GRID2: variants seen among roughly 807,000 people sequenced by gnomAD.
GRID2 encodes the protein glutamate ionotropic receptor delta type subunit 2.
Under a neutral mutation model 114.8 loss-of-function variants are expected in GRID2, and 33 were observed. The ratio of observed to expected loss-of-function variants is 0.29; its 90% confidence interval spans 0.22 to 0.38. GRID2 has a LOEUF of 0.38. Ranked by LOEUF, GRID2 falls within the 10% of genes least tolerant of loss-of-function variation. The pLI is 1.00. For missense variants in GRID2, 1,184 were observed against 1,257.7 expected, an observed-to-expected ratio of 0.94 and a Z score of 0.89; for synonymous variants, 505 against 449.9, an observed-to-expected ratio of 1.12 and a Z score of -1.55.
intron 4 of GRID2, among the ~76,000 whole-genome samples, chr4:93,155,157 A>G (rs954475993): frequency 6.6e-6 from 1 of 151,932 alleles, no homozygotes; most frequent in African/African-American, 2.4e-5. Flanking sequence ...GAAATTGTAT[A>G]TTCATGATCT....
chr4:92,739,567 C>T (rs1352323910), intron 2 of GRID2, among the ~76,000 whole-genome samples: 3 of 151,966 alleles, frequency 2.0e-5, no homozygotes, highest in African/African-American at 7.3e-5. Flanking sequence ...ACCAGTCCGT[C>T]CTGTGATTTC....
chr4:93,317,986 A>AATATATATAT (rs58755199), intron 8 of GRID2, among the ~76,000 whole-genome samples: 2,189 of 100,658 alleles, frequency 0.022, 116 homozygotes, highest in Non-Finnish European at 0.029. Context: ...TTAAAAGTGA[A>AATATATATAT]ATATATATAT....
chr4:92,310,969 AG>A (rs1273456718), intron 1 of GRID2, among the ~76,000 whole-genome samples: 3 of 152,132 alleles, frequency 2.0e-5, no homozygotes, highest in African/African-American at 7.2e-5. Context: ...GTTGCAAACA[AG>A]AATTATGTAC....
chr4:93,440,580 G>T (rs1721534160), intron 10 of GRID2, among the ~76,000 whole-genome samples: 1 of 152,050 alleles, frequency 6.6e-6, no homozygotes, highest in South Asian at 2.1e-4. Flanking sequence ...ATGCATATAG[G>T]ATGAAACTAA....
At chr4:93,679,605 G>C (rs938382183) in intron 14 of GRID2, among the ~76,000 whole-genome samples, 5 of 150,978 alleles carry the variant, frequency 3.3e-5, no homozygotes, top group Non-Finnish European at 7.4e-5. Context: ...AATCAAACTA[G>C]AACTCAGGAT....
Position 93,238,432 on chromosome 4 carries a change from T to C in GRID2, c.1187T>C (p.Val396Ala). The change falls in exon 8 of 16, where the codon GTC becomes GCC. Residue 396 changes from valine (V) to alanine (A), a missense_variant. Physicochemically the swap from Val to Ala is moderately conservative, Grantham distance 64 (BLOSUM62 0). Coordinates refer to ENST00000282020, the MANE Select transcript of GRID2 (RefSeq NM_001510.4). ...GGAGAAAATGGAGGCAATCCCAATG[T>C]CCACTTTGAAATCCTTGGAACCAAC... is the stretch of plus-strand genomic sequence containing the variant. ...EFGENGGNPN[V>A]HFEILGTNYG... is the part of the protein sequence containing the mutation. 1 of 1,608,970 alleles carries C rather than the reference T, an allele frequency of 6.2e-7. No individual in the cohort carries two copies.
chr4:93,047,636 A>G (rs1238122604), intron 2 of GRID2, among the ~76,000 whole-genome samples: 3 of 152,220 alleles, frequency 2.0e-5, no homozygotes, highest in African/African-American at 4.8e-5. Flanking sequence ...TGTACTTATC[A>G]TAGAATTGTG....
intron 13 of GRID2, among the ~76,000 whole-genome samples, chr4:93,625,859 G>A (rs922259226): frequency 6.6e-6 from 1 of 152,186 alleles, no homozygotes; most frequent in Non-Finnish European, 1.5e-5. Context: ...AGCTTGCAGT[G>A]AGCGGAGATC....
At chr4:93,000,890 G>A (rs912286982) in intron 2 of GRID2, among the ~76,000 whole-genome samples, 2 of 151,188 alleles carry the variant, frequency 1.3e-5, no homozygotes, top group Admixed American at 6.6e-5. Flanking sequence ...CCAAACCTCA[G>A]TAATACACAA....
chr4:93,360,029 C>T (rs879894508), intron 8 of GRID2, among the ~76,000 whole-genome samples: 7 of 151,364 alleles, frequency 4.6e-5, no homozygotes, highest in African/African-American at 9.7e-5. Flanking sequence ...AGTCTTGACA[C>T]GTAAATCTTC....
intron 1 of GRID2, among the ~76,000 whole-genome samples, chr4:92,425,317 T>G (rs1732104363): frequency 6.6e-6 from 1 of 152,078 alleles, no homozygotes; most frequent in Non-Finnish European, 1.5e-5. Flanking sequence ...CATACTACAT[T>G]AATCAGGGAT....
intron 8 of GRID2, among the ~76,000 whole-genome samples, chr4:93,354,952 T>G (rs1192674812): frequency 6.6e-6 from 1 of 150,804 alleles, no homozygotes; most frequent in East Asian, 1.9e-4. Flanking sequence ...ACTGAGCTTA[T>G]TTTTAAATTT....
At chr4:93,199,695 G>A (rs954037461) in intron 4 of GRID2, among the ~76,000 whole-genome samples, 2 of 152,166 alleles carry the variant, frequency 1.3e-5, no homozygotes, top group African/African-American at 4.8e-5. Context: ...TCCATGCTGA[G>A]CTCAAGGGGA....
At chr4:93,611,940 G>C (rs1479555864) in intron 13 of GRID2, among the ~76,000 whole-genome samples, 1 of 148,368 alleles carries the variant, frequency 6.7e-6, no homozygotes, top group African/African-American at 2.5e-5. Flanking sequence ...TTATTAATGT[G>C]TGGGAGTCTA....
intron 14 of GRID2, among the ~76,000 whole-genome samples, chr4:93,627,178 A>G (rs1286006335): frequency 6.6e-6 from 1 of 152,208 alleles, no homozygotes; most frequent in African/African-American, 2.4e-5. Context: ...TATCTTCCAC[A>G]TAGAAGTATA....
intron 2 of GRID2, among the ~76,000 whole-genome samples, chr4:92,744,639 T>G (rs1737059447): frequency 6.6e-6 from 1 of 152,124 alleles, no homozygotes; most frequent in Admixed American, 6.6e-5. Flanking sequence ...CCCACTGCCC[T>G]AGAAAGTGCC....
At chr4:93,531,018 A>G (rs967341670) in intron 13 of GRID2, among the ~76,000 whole-genome samples, 4 of 152,182 alleles carry the variant, frequency 2.6e-5, no homozygotes, top group African/African-American at 7.2e-5. Context: ...TTTAAATGCT[A>G]TCAGTCTTGT....
intron 1 of GRID2, among the ~76,000 whole-genome samples, chr4:92,481,184 G>A (rs1722570796): frequency 6.6e-6 from 1 of 152,016 alleles, no homozygotes; most frequent in Admixed American, 6.6e-5. Flanking sequence ...TTACTCAAAG[G>A]TCTTGAGAAA....
chr4:93,624,055 A>G (rs767282203), intron 13 of GRID2, among the ~76,000 whole-genome samples: 32 of 152,144 alleles, frequency 2.1e-4, no homozygotes, highest in Non-Finnish European at 4.3e-4. Flanking sequence ...GGTATTCTTC[A>G]TATAGCTCCT....
Sources: allele counts gnomAD v4.1 joint callset (sites outside exome capture counted in the v4.1 genomes callset), GRCh38; gene constraint gnomAD v4.1.1; transcripts MANE v1.5; gene names NCBI Gene and HGNC (gene_info 2026-07-23, HGNC 2026-07-21).